KCNK13: variants seen among roughly 807,000 people sequenced by gnomAD.
KCNK13 encodes the protein potassium channel subfamily K member 13.
A neutral mutation model predicts 23.4 loss-of-function variants in KCNK13; 12 were observed. That is an observed-to-expected ratio of 0.51 (90% CI 0.33 to 0.83). The LOEUF (loss-of-function observed/expected upper bound fraction) is 0.83. Ranked by LOEUF, KCNK13 falls within the 40% of genes least tolerant of loss-of-function variation. The pLI is 0.02. For synonymous variants in KCNK13, 231 were observed against 229.5 expected (o/e 1.01, Z -0.06); for missense variants, 463 against 556.3 (o/e 0.83, Z 1.69).
At chr14:90,156,806 G>A (rs1305684791) in intron 1 of KCNK13, among the ~76,000 whole-genome samples, 1 of 152,154 alleles carries the variant, frequency 6.6e-6, no homozygotes. Context: ...TTTTCCCCAT[G>A]GTGCTCTTCT....
At position 90,184,030 on chromosome 14, in the gene KCNK13, T is replaced by G; in HGVS notation, c.335-81T>G. 7.9e-7 allele frequency: 1 copy of G among 1,261,528 alleles called. No homozygotes were observed. The highest frequency in any genetic ancestry group is 2.3e-5 in the East Asian group (1 of 42,996). The allele number at this position is 1,261,528 out of a possible 1,614,324, so 78.1% of individuals were successfully genotyped here. ...TTTATGAAACTCTCTTTAGGTCCTT[T>G]GCCAGCCATCAAAGCCAAGACCTAG... On this transcript the variant is annotated intron_variant, in intron 1 of 1. Transcript: ENST00000282146. The surrounding 1 kb of genome is among the most constrained non-coding windows in gnomAD (Gnocchi z 5.6).
At chr14:90,120,718 C>T (rs1490873347) in intron 1 of KCNK13, among the ~76,000 whole-genome samples, 1 of 152,136 alleles carries the variant, frequency 6.6e-6, no homozygotes, top group Non-Finnish European at 1.5e-5. Flanking sequence ...TGGGTGGGGA[C>T]ACAAAGCCAA....
At chr14:90,067,814 G>C (rs1746346) in intron 1 of KCNK13, among the ~76,000 whole-genome samples, 59,379 of 151,924 alleles carry the variant, frequency 0.39, 11,986 homozygotes, top group African/African-American at 0.48. Context: ...TTAGGAGCTT[G>C]TCCCCGTGTT....
chr14:90,163,619 G>A (rs1263774052), intron 1 of KCNK13, among the ~76,000 whole-genome samples: 1 of 152,178 alleles, frequency 6.6e-6, no homozygotes, highest in East Asian at 1.9e-4. Context: ...TTGAACTGTG[G>A]TTTGCACTGG....
intron 1 of KCNK13, among the ~76,000 whole-genome samples, chr14:90,099,630 T>C (rs1255951921): frequency 1.3e-5 from 2 of 152,194 alleles, no homozygotes; most frequent in African/African-American, 4.8e-5. Flanking sequence ...TTTAGGCAAA[T>C]GTTGAGGACT....
chr14:90,085,779 T>TTA (rs1566948841), intron 1 of KCNK13, among the ~76,000 whole-genome samples: 1 of 106,168 alleles, frequency 9.4e-6, no homozygotes, highest in African/African-American at 3.7e-5. Context: ...ATTATATATA[T>TTA]TATATATTAT....
intron 1 of KCNK13, among the ~76,000 whole-genome samples, chr14:90,078,190 G>A (rs1047009462): frequency 1.3e-5 from 2 of 152,186 alleles, no homozygotes; most frequent in African/African-American, 4.8e-5. Flanking sequence ...GGAGGCCGAG[G>A]TGGGCAGATC....
chr14:90,174,115 G>T lies in KCNK13; in HGVS notation c.335-9996G>T, dbSNP rs539812163. ...AGGTCAGGAGATGCAGACCATCCTG[G>T]CTAACATGGTGAAACCCTGTCTCTA... On this transcript the variant is annotated intron_variant, in intron 1 of 1. Coordinates refer to ENST00000282146, the MANE Select transcript of KCNK13 (RefSeq NM_022054.4). Among the ~76,000 whole-genome samples, 3 of 152,136 alleles carry T rather than the reference G, an allele frequency of 2.0e-5. No homozygotes were observed. The East Asian group carries it at 5.8e-4, about 30-fold the overall frequency.
At chr14:90,179,988 C>T (rs968164473) in intron 1 of KCNK13, among the ~76,000 whole-genome samples, 32 of 152,176 alleles carry the variant, frequency 2.1e-4, no homozygotes, top group African/African-American at 7.5e-4. Flanking sequence ...CTGTATAAAG[C>T]ATTGAACTAT....
chr14:90,070,178 G>A (rs903562846), intron 1 of KCNK13, among the ~76,000 whole-genome samples: 8 of 152,128 alleles, frequency 5.3e-5, no homozygotes, highest in Non-Finnish European at 8.8e-5. Flanking sequence ...GATGCATCTC[G>A]ATTTCAGAGA....
At chr14:90,183,950 C>T (rs1890515223) in intron 1 of KCNK13, among the ~76,000 whole-genome samples, 161 bp from the exon 2 acceptor site, 2 of 152,150 alleles carry the variant, frequency 1.3e-5, no homozygotes, top group South Asian at 2.1e-4. Context: ...TTAGTGTCTT[C>T]AAAAGCAGGT....
chr14:90,148,591 C>G (rs1442102039), intron 1 of KCNK13, among the ~76,000 whole-genome samples: 2 of 152,192 alleles, frequency 1.3e-5, no homozygotes, highest in Non-Finnish European at 2.9e-5. Context: ...AGGGGCAGTA[C>G]TCCAGAGGTG....
chr14:90,113,618 T>A (rs1356387355), intron 1 of KCNK13, among the ~76,000 whole-genome samples: 2 of 152,110 alleles, frequency 1.3e-5, no homozygotes, highest in Non-Finnish European at 2.9e-5. Flanking sequence ...GCCATGGTAA[T>A]GTAAGATCTT....
At chr14:90,125,092 G>C (rs756174797) in intron 1 of KCNK13, among the ~76,000 whole-genome samples, 1 of 152,072 alleles carries the variant, frequency 6.6e-6, no homozygotes, top group Non-Finnish European at 1.5e-5. Context: ...GGACGTTTTT[G>C]TAATAAAAAT....
intron 1 of KCNK13, among the ~76,000 whole-genome samples, chr14:90,111,237 C>G (rs1188459852): frequency 1.3e-5 from 2 of 152,166 alleles, no homozygotes; most frequent in Admixed American, 6.5e-5. Context: ...CAAGAAACTG[C>G]TCTGGGGTGT....
chr14:90,085,697 A>G (rs1429658841), intron 1 of KCNK13, among the ~76,000 whole-genome samples: 1 of 142,042 alleles, frequency 7.0e-6, no homozygotes, highest in African/African-American at 2.6e-5. Flanking sequence ...TTATGTATAT[A>G]AATTTATATA....
intron 1 of KCNK13, among the ~76,000 whole-genome samples, chr14:90,168,555 T>G (rs552275253): frequency 3.3e-5 from 5 of 152,144 alleles, no homozygotes; most frequent in Non-Finnish European, 7.3e-5. Context: ...CGTAGGTATT[T>G]CCCTGAGTGA....
At chr14:90,181,260 T>G (rs1437857388) in intron 1 of KCNK13, among the ~76,000 whole-genome samples, 1 of 152,194 alleles carries the variant, frequency 6.6e-6, no homozygotes, top group Non-Finnish European at 1.5e-5. Flanking sequence ...TGGGCTGCTA[T>G]AAGAAAATAC....
At chr14:90,166,453 C>T (rs1890303753) in intron 1 of KCNK13, among the ~76,000 whole-genome samples, 1 of 152,172 alleles carries the variant, frequency 6.6e-6, no homozygotes, top group Non-Finnish European at 1.5e-5. Context: ...CGCCTATAAT[C>T]CCAGCACTTT....
Sources: gnomAD v4.1 joint callset for allele counts (sites outside exome capture counted in the v4.1 genomes callset) on GRCh38, gnomAD v4.1.1 for gene constraint, Gnocchi (gnomAD v3.1) non-coding constraint, MANE v1.5 for transcripts, NCBI Gene and HGNC (gene_info 2026-07-23, HGNC 2026-07-21) for gene names.